Variants in PHGDH observed in about 807,000 individuals in gnomAD.
PHGDH encodes the protein D-3-phosphoglycerate dehydrogenase.
In PHGDH, 50 loss-of-function variants were observed where a neutral mutation model predicts 52.6. The ratio of observed to expected loss-of-function variants is 0.95; its 90% CI spans 0.76 to 1.20. The LOEUF (loss-of-function observed/expected upper bound fraction) is 1.20. PHGDH is among the 50% of genes most tolerant of loss of function. The pLI is 0.00. For synonymous variants in PHGDH, 271 were observed against 280.5 expected (o/e 0.97, Z 0.34); for missense variants, 630 against 684.6 (o/e 0.92, Z 0.89).
intron 2 of PHGDH, among the ~76,000 whole-genome samples, chr1:119,722,608 G>A (rs1188409115): frequency 2.0e-5 from 3 of 151,944 alleles, no homozygotes; most frequent in African/African-American, 7.3e-5. Flanking sequence ...GGGGCTGCGT[G>A]TGGGGGCTCA....
At chr1:119,725,699 T>G (rs922602858) in intron 3 of PHGDH, among the ~76,000 whole-genome samples, 2 of 152,200 alleles carry the variant, frequency 1.3e-5, no homozygotes, top group Non-Finnish European at 2.9e-5. Flanking sequence ...TGTTTTTGTG[T>G]TAGAAGTTAG....
intron 8 of PHGDH, among the ~76,000 whole-genome samples, chr1:119,739,218 G>A (rs587679760): frequency 6.6e-6 from 1 of 152,236 alleles, no homozygotes; most frequent in Non-Finnish European, 1.5e-5. Flanking sequence ...ACACCTCCCC[G>A]GGCTTGGGCT....
Position 119,712,150 on chromosome 1 carries a change from C to T in PHGDH, c.128C>T (p.Ala43Val), listed in dbSNP as rs1208507992. 6 of 1,613,772 alleles carry T rather than the reference C, an allele frequency of 3.7e-6. No individual in the cohort carries two copies. Among genetic ancestry groups the T allele is most frequent in the Non-Finnish European group, 5.1e-6 (6 of 1,179,880 alleles). Residue 43 changes from alanine to valine, a missense_variant, in exon 1 of 12, where the codon GCG (alanine) becomes GTG (valine). Ala to Val is a moderately conservative substitution (Grantham distance 64). Coordinates refer to ENST00000641023, the MANE Select transcript of PHGDH (RefSeq NM_006623.4). Reference sequence around the variant, plus strand: ...AACCTTAGCAAAGAGGAGCTGATAGCGGAGCTGCAGGTAAGGCGAGAGAGA... The same window carrying T: ...AACCTTAGCAAAGAGGAGCTGATAGTGGAGCTGCAGGTAAGGCGAGAGAGA... Reference protein sequence around the residue: ...KQNLSKEELIAELQDCEGLIV... With the variant: ...KQNLSKEELIVELQDCEGLIV...
At chr1:119,714,587 C>G (rs1650840081) in intron 1 of PHGDH, 7 of 152,154 alleles carry the variant, frequency 4.6e-5, no homozygotes, top group Admixed American at 4.6e-4. Flanking sequence ...TGTTTCTTGG[C>G]CGGGCGCGGT....
chr1:119,734,085 C>T (rs1251516873), intron 5 of PHGDH, among the ~76,000 whole-genome samples: 8 of 152,200 alleles, frequency 5.3e-5, no homozygotes, highest in African/African-American at 1.9e-4. Context: ...CCTCCTCCTT[C>T]GCTTCTGCTC....
At position 119,726,875 on chromosome 1, in the gene PHGDH, G is replaced by A. The variant is rs886045205; in HGVS notation, c.381G>A (p.Ser127=). 13 of 1,614,084 alleles carry A rather than the reference G, an allele frequency of 8.1e-6. No homozygotes were observed. In the South Asian group the frequency reaches 8.8e-5, roughly 11 times the overall value. ...LARQIPQATA[S]MKDGKWERKK... is the part of the protein sequence containing the mutation. ...GGCAGATTCCCCAGGCGACGGCTTC[G>A]ATGAAGGACGGCAAATGGGAGCGGA... Residue 127 remains serine, a synonymous_variant, in exon 4 of 12, where the codon TCG becomes TCA. Coordinates refer to ENST00000641023, the MANE Select transcript of PHGDH (RefSeq NM_006623.4).
At chr1:119,726,533 C>T (rs1651421997) in intron 3 of PHGDH, 1 of 469,090 alleles carries the variant, frequency 2.1e-6, no homozygotes, top group South Asian at 2.1e-5. Flanking sequence ...TCCCTACAGA[C>T]CCTGGAGGAT....
At chr1:119,714,881 C>T (rs1327298200) in intron 1 of PHGDH, among the ~76,000 whole-genome samples, 2 of 152,140 alleles carry the variant, frequency 1.3e-5, no homozygotes, top group African/African-American at 4.8e-5. Context: ...CTCGCCACTG[C>T]AATCCAGCCT....
chr1:119,737,164 T>C lies in PHGDH; in HGVS notation c.843T>C (p.Cys281=), dbSNP rs1404313686. 1 of 1,613,630 alleles carries C rather than the reference T, an allele frequency of 6.2e-7. No homozygotes were observed. Residue 281 remains cysteine, a synonymous_variant, in exon 8 of 12, where the codon TGT becomes TGC. Coordinates refer to ENST00000641023, the MANE Select transcript of PHGDH (RefSeq NM_006623.4). The stretch of plus-strand genomic sequence containing the variant: ...TGGACCATGAGAATGTCATCAGCTG[T>C]CCCCACCTGGGTGCCAGCACCAAGG... The part of the protein sequence containing the change: ...ALVDHENVIS[C]PHLGASTKEA...
At chr1:119,719,103 A>T (rs1651043385) in intron 1 of PHGDH, among the ~76,000 whole-genome samples, 1 of 152,142 alleles carries the variant, frequency 6.6e-6, no homozygotes, top group South Asian at 2.1e-4. Flanking sequence ...GGCTTGGCTG[A>T]TATTTAACTA....
rs151327456 is a variant in PHGDH at position 119,734,489 on chromosome 1, G to A, written c.511-145G>A. 10 of 795,958 alleles carry A rather than the reference G, an allele frequency of 1.3e-5. No homozygotes were observed. The African/African-American group carries it at 1.5e-4, about 12-fold the overall frequency. 49.3% of individuals were successfully genotyped at this position (795,958 alleles called of 1,614,324 possible). On this transcript the variant is annotated intron_variant, in intron 5 of 11. Transcript: ENST00000641023. ...TAGTATGTGGAACATGGTACTTAGTGTATGGTAAATTAACTGGAGAATTAA... is the reference window on the plus strand; with the variant it reads ...TAGTATGTGGAACATGGTACTTAGTATATGGTAAATTAACTGGAGAATTAA...
At chr1:119,741,736 T>G in intron 9 of PHGDH, 31 bp from the exon 10 acceptor site, 1 of 1,609,072 alleles carries the variant, frequency 6.2e-7, no homozygotes, top group South Asian at 1.1e-5. Context: ...CAACAAACAG[T>G]GACCTCATGG....
intron 5 of PHGDH, among the ~76,000 whole-genome samples, chr1:119,733,156 G>A (rs1651776116): frequency 6.6e-6 from 1 of 152,158 alleles, no homozygotes; most frequent in Non-Finnish European, 1.5e-5. Flanking sequence ...GCGTGGGAGA[G>A]GCAGCATCTT....
At position 119,722,961 on chromosome 1, in the gene PHGDH, C is replaced by T. The variant is rs894572336; in HGVS notation, c.291-415C>T. 2.5e-4 allele frequency among the ~76,000 whole-genome samples: 38 copies of T among 151,024 alleles called. 1 individual carries two copies. The highest frequency in any genetic ancestry group is 2.3e-3 in the Admixed American group (35 of 15,176). On this transcript the variant is annotated intron_variant, in intron 2 of 11. Coordinates refer to ENST00000641023, the MANE Select transcript of PHGDH (RefSeq NM_006623.4). Reference sequence around the variant, plus strand: ...GAAGATATGTAGGCATTGGACTGAGCCCTGAATTCGAGAGACTCTGACCTT... The same window carrying T: ...GAAGATATGTAGGCATTGGACTGAGTCCTGAATTCGAGAGACTCTGACCTT...
Position 119,741,845 on chromosome 1 carries a change from C to T in PHGDH, c.1157C>T (p.Ala386Val), listed in dbSNP as rs768396645. Residue 386 changes from alanine (A) to valine (V), a missense_variant, in exon 10 of 12, where the codon GCG (alanine) becomes GTG (valine). Physicochemically the swap from Ala to Val is moderately conservative, Grantham distance 64. Coordinates refer to ENST00000641023, the MANE Select transcript of PHGDH (RefSeq NM_006623.4). ...VGLLKEASKQADVNLVNAKLL... is the reference protein window; with the variant it reads ...VGLLKEASKQVDVNLVNAKLL... ...CTCCTGAAAGAGGCTTCCAAGCAGG[C>T]GGATGTGAACTTGGTGAACGCTAAG... The T allele has an allele frequency of 8.8e-5, 142 of 1,613,552 alleles. No homozygotes were observed. The highest frequency in any genetic ancestry group is 1.1e-4 in the East Asian group (5 of 44,892).
At chr1:119,737,064 G>T in intron 7 of PHGDH, 50 bp from the exon 8 acceptor site, 1 of 1,601,052 alleles carries the variant, frequency 6.2e-7, no homozygotes, top group Non-Finnish European at 8.6e-7. Context: ...GGCCCAAGAG[G>T]GTGTGGCCAG....
rs1650715580 is a variant in PHGDH at position 119,712,002 on chromosome 1, A to G, written c.-21A>G. The G allele has an allele frequency of 1.2e-6, 2 of 1,613,738 alleles. No homozygotes were observed. Among genetic ancestry groups the G allele is most frequent in the East Asian group, 4.5e-5 (2 of 44,874 alleles). On this transcript the variant is annotated 5_prime_UTR_variant, in exon 1 of 12. Coordinates refer to ENST00000641023, the MANE Select transcript of PHGDH (RefSeq NM_006623.4). ...TAGGTACTTCTACTCACAGCGGCCGATTCCGAGGCCAACTCCAGCAATGGC... is the reference window on the plus strand; with the variant it reads ...TAGGTACTTCTACTCACAGCGGCCGGTTCCGAGGCCAACTCCAGCAATGGC...
intron 11 of PHGDH, 60 bp downstream of exon 11, chr1:119,743,104 G>A: frequency 9.5e-7 from 1 of 1,057,396 alleles, no homozygotes; most frequent in South Asian, 1.3e-5. Context: ...GTCTGCCCTG[G>A]AATTGAACTC....
chr1:119,743,868 A>G lies in PHGDH; in HGVS notation c.1448-18A>G, dbSNP rs764672545. 2 of 1,608,454 alleles carry G rather than the reference A, an allele frequency of 1.2e-6. No homozygotes were observed. Among genetic ancestry groups the G allele is most frequent in the Non-Finnish European group, 1.7e-6 (2 of 1,175,230 alleles). On this transcript the variant is annotated intron_variant, in intron 11 of 11. Transcript: ENST00000641023. ...TCCCCTATCCCCTGTGCCAACCAGG[A>G]GTTTCTTCTATTTCCAGGCCTCCTG...
Sources: gnomAD v4.1 joint callset for allele counts (sites outside exome capture counted in the v4.1 genomes callset) on GRCh38, gnomAD v4.1.1 for gene constraint, MANE v1.5 for transcripts, NCBI Gene and HGNC (gene_info 2026-07-23, HGNC 2026-07-21) for gene names.